The following PADI6 variants were observed in gnomAD, a reference collection of about 807,000 sequenced individuals.
PADI6 encodes inactive protein-arginine deiminase type-6.
A neutral mutation model predicts 78.2 loss-of-function variants in PADI6; 66 were observed. That is an observed-to-expected ratio of 0.84 (90% CI 0.69 to 1.04). The LOEUF is 1.04. Among genes scored for constraint, PADI6 ranks in the 50% least tolerant of loss-of-function variants. PADI6 has a pLI of 0.00. For synonymous variants in PADI6, 397 were observed against 346.9 expected, an observed-to-expected ratio of 1.14 and a Z score of -1.60; for missense variants, 854 against 866.1, an observed-to-expected ratio of 0.99 and a Z score of 0.18.
In PADI6 at chr1:17,388,896, G is replaced by T. The variant is rs142592174; in HGVS notation, c.962+16G>T. 1 of 1,600,642 alleles carries T rather than the reference G, an allele frequency of 6.2e-7. No individual in the cohort carries two copies. The highest frequency in any genetic ancestry group is 2.2e-5 in the East Asian group (1 of 44,806). Reference sequence around the variant, plus strand: ...ACCTGTGCAGGTGAGAGACCATCAGGCTGACTGTGCCAGGCGGTTCTCATA... The same window carrying T: ...ACCTGTGCAGGTGAGAGACCATCAGTCTGACTGTGCCAGGCGGTTCTCATA... On this transcript the variant is annotated intron_variant, in intron 8 of 15. Transcript: ENST00000619609.
chr1:17,397,138 G>T lies in PADI6; in HGVS notation c.1686G>T (p.Val562=), dbSNP rs536440457. The change falls in exon 14 of 16, where the codon GTG becomes GTT. Residue 562 remains valine, a synonymous_variant. Coordinates refer to ENST00000619609, the MANE Select transcript of PADI6 (RefSeq NM_207421.4). The part of the protein sequence containing the change: ...DESLKKQNEY[V]EKCIHLNRDI... Reference sequence around the variant, plus strand: ...GCCTGAAGAAGCAGAATGAATACGTGGAGGTAGGACCAGTGTGAAGGGGGC... The same window carrying T: ...GCCTGAAGAAGCAGAATGAATACGTTGAGGTAGGACCAGTGTGAAGGGGGC... 6.2e-7 allele frequency: 1 copy of T among 1,613,802 alleles called. No individual in the cohort carries two copies. Among genetic ancestry groups the T allele is most frequent in the Non-Finnish European group, 8.5e-7 (1 of 1,179,804 alleles).
At chr1:17,380,881 A>C (rs1036819740) in intron 4 of PADI6, among the ~76,000 whole-genome samples, 166 bp from the exon 5 acceptor site, 1 of 152,136 alleles carries the variant, frequency 6.6e-6, no homozygotes, top group South Asian at 2.1e-4. Flanking sequence ...TCCTTACCTG[A>C]CATGACCTTC....
At position 17,401,607 on chromosome 1, in the gene PADI6, G is replaced by A. The variant is rs570168354; in HGVS notation, c.*169G>A. ...CGGACCCAGTAGGATGGCAAATGCC[G>A]CCAGCTTGAACCCCTATGGGGAAAA... On this transcript the variant is annotated 3_prime_UTR_variant, in exon 16 of 16. Coordinates refer to ENST00000619609, the MANE Select transcript of PADI6 (RefSeq NM_207421.4). The A allele has an allele frequency of 8.5e-5, 55 of 647,826 alleles. No individual in the cohort carries two copies. Among genetic ancestry groups the A allele is most frequent in the African/African-American group, 2.9e-4 (16 of 54,834 alleles). The allele number at this position is 647,826 out of a possible 1,614,324, so 40.1% of individuals were successfully genotyped here.
At chr1:17,398,413 G>T (rs901904654) in intron 14 of PADI6, among the ~76,000 whole-genome samples, 1 of 152,146 alleles carries the variant, frequency 6.6e-6, no homozygotes, top group African/African-American at 2.4e-5. Context: ...GGCTCAGCTG[G>T]TCTGGGTTGA....
intron 3 of PADI6, among the ~76,000 whole-genome samples, chr1:17,377,529 G>A (rs2075031063): frequency 6.6e-6 from 1 of 152,164 alleles, no homozygotes; most frequent in Admixed American, 6.5e-5. Context: ...GATCGCTTCG[G>A]TGTCTGACAG....
At chr1:17,376,769 A>C (rs986406365) in intron 3 of PADI6, among the ~76,000 whole-genome samples, 2 of 152,010 alleles carry the variant, frequency 1.3e-5, no homozygotes, top group Non-Finnish European at 2.9e-5. Context: ...ATTTCTCTAG[A>C]ATCTTCTCAA....
chr1:17,391,993 G>A (rs1404675208), intron 8 of PADI6, 121 bp from the exon 9 acceptor site: 4 of 775,432 alleles, frequency 5.2e-6, no homozygotes, highest in South Asian at 3.5e-5. Context: ...TCGACCTCAC[G>A]GGCAGGGATG....
chr1:17,391,757 G>A (rs183013003), intron 8 of PADI6, among the ~76,000 whole-genome samples: 4 of 152,318 alleles, frequency 2.6e-5, no homozygotes, highest in East Asian at 1.9e-4. Flanking sequence ...TGGAGGTTGC[G>A]GTGAGTCAGA....
In PADI6 at chr1:17,398,769, C is replaced by T; in HGVS notation, c.1773C>T (p.Phe591=). 6.2e-7 allele frequency: 1 copy of T among 1,611,558 alleles called. No homozygotes were observed. The change falls in exon 15 of 16, where the codon TTC becomes TTT. Residue 591 remains phenylalanine (F), a synonymous_variant. Coordinates refer to ENST00000619609, the MANE Select transcript of PADI6 (RefSeq NM_207421.4). ...EQDIIEIPQL[F]CLEKLTNIPS... ...ACATCATCGAGATTCCCCAGCTGTT[C>T]TGCTTGGAGAAGCTGACTAACATCC...
chr1:17,387,465 G>T (rs1373262017), intron 6 of PADI6, among the ~76,000 whole-genome samples: 1 of 151,284 alleles, frequency 6.6e-6, no homozygotes, highest in African/African-American at 2.4e-5. Context: ...AGGAGGGGGG[G>T]GGGCCAGGCG....
Position 17,372,831 on chromosome 1 carries a change from T to C in PADI6, c.117-225T>C, listed in dbSNP as rs1186275237. Among the ~76,000 whole-genome samples, 3 of 152,132 alleles carry C rather than the reference T, an allele frequency of 2.0e-5. No individual in the cohort carries two copies. In the East Asian group the frequency reaches 5.8e-4, roughly 29 times the overall value. ...ATTACTAAGATGTAGCTGTGGTAAC[T>C]TCTGCAGTGTCGGTAGCGGGATGGG... On this transcript the variant is annotated intron_variant, in intron 1 of 15. Transcript: ENST00000619609.
chr1:17,394,508 C>T, intron 11 of PADI6, 54 bp downstream of exon 11: 6 of 1,569,150 alleles, frequency 3.8e-6, no homozygotes, highest in Non-Finnish European at 5.2e-6. Context: ...ATGGTCGTTC[C>T]CCTGGCCCCG....
At position 17,394,919 on chromosome 1, in the gene PADI6, CTCAAGAGCTGTTCTTT is replaced by C; in HGVS notation, c.1338-31_1338-16del. ...GGTGACCAGCCCTGGGCCACACTGG[CTCAAGAGCTGTTCTTT>C]CCATCTTCCTTCTAGCGCAGAGGGC... On this transcript the variant is annotated splice_polypyrimidine_tract_variant and intron_variant, in intron 11 of 15. Coordinates refer to ENST00000619609, the MANE Select transcript of PADI6 (RefSeq NM_207421.4). 13 of 1,561,598 alleles carry C rather than the reference CTCAAGAGCTGTTCTTT, an allele frequency of 8.3e-6. No individual in the cohort carries two copies. The highest frequency in any genetic ancestry group is 1.0e-5 in the Non-Finnish European group (12 of 1,154,542).
At chr1:17,388,298 G>A in intron 6 of PADI6, 83 bp from the exon 7 acceptor site, 1 of 1,292,978 alleles carries the variant, frequency 7.7e-7, no homozygotes, top group Non-Finnish European at 1.1e-6. Flanking sequence ...TCTGATATGA[G>A]GAATGAGCTG....
rs887194313 is a variant in PADI6 at position 17,379,350 on chromosome 1, G to A, written c.368-570G>A. Among the ~76,000 whole-genome samples, 3 of 143,700 alleles carry A rather than the reference G, an allele frequency of 2.1e-5. No homozygotes were observed. The East Asian group carries it at 5.9e-4, about 28-fold the overall frequency. 94.3% of individuals were successfully genotyped at this position (143,700 alleles called of 152,430 possible). On this transcript the variant is annotated intron_variant, in intron 3 of 15. Transcript: ENST00000619609. Reference sequence around the variant, plus strand: ...AGGATGGTCTCGATCTCCTGACCTCGTGATCCGCCCGCCTCGGCCTCCCAA... The same window carrying A: ...AGGATGGTCTCGATCTCCTGACCTCATGATCCGCCCGCCTCGGCCTCCCAA...
At position 17,397,074 on chromosome 1, in the gene PADI6, G is replaced by C; in HGVS notation, c.1622G>C (p.Arg541Thr). ...LRADQLLSNG[R>T]EAKTIDQLLA... ...TGCTGCCCGCTTCTTCCTACAGGAA[G>C]GGAAGCCAAAACCATCGACCAACTT... The change falls in exon 14 of 16, where the codon AGG becomes ACG. Residue 541 changes from arginine (R) to threonine (T), a missense_variant. Arg to Thr is a moderately conservative substitution (Grantham distance 71). Transcript: ENST00000619609. 6.2e-7 allele frequency: 1 copy of C among 1,613,728 alleles called. No homozygotes were observed. Among genetic ancestry groups the C allele is most frequent in the Non-Finnish European group, 8.5e-7 (1 of 1,179,810 alleles).
intron 3 of PADI6, among the ~76,000 whole-genome samples, chr1:17,379,132 T>TTTTG (rs1557597630): frequency 7.3e-6 from 1 of 136,176 alleles, no homozygotes; most frequent in Non-Finnish European, 1.5e-5. Flanking sequence ...TTTTTTTTTT[T>TTTTG]AAGACGGAGT....
intron 6 of PADI6, among the ~76,000 whole-genome samples, chr1:17,383,013 A>C (rs2075087779): frequency 6.6e-6 from 1 of 152,198 alleles, no homozygotes; most frequent in African/African-American, 2.4e-5. Context: ...AAACTCCCGG[A>C]TGCAAACAAT....
Position 17,394,936 on chromosome 1 carries a change from C to A in PADI6, c.1338-15C>A. ...CACACTGGCTCAAGAGCTGTTCTTT[C>A]CATCTTCCTTCTAGCGCAGAGGGCC... On this transcript the variant is annotated splice_polypyrimidine_tract_variant and intron_variant, in intron 11 of 15. Coordinates refer to ENST00000619609, the MANE Select transcript of PADI6 (RefSeq NM_207421.4). The A allele has an allele frequency of 6.3e-7, 1 of 1,596,896 alleles. No homozygotes were observed.
Sources: allele counts gnomAD v4.1 joint callset (sites outside exome capture counted in the v4.1 genomes callset), GRCh38; gene constraint gnomAD v4.1.1; transcripts MANE v1.5; gene names NCBI Gene and HGNC (gene_info 2026-07-23, HGNC 2026-07-21).